FAM120C: variants seen among roughly 807,000 people sequenced by gnomAD.
The protein encoded by FAM120C is family with sequence similarity 120 member C, also known as constitutive coactivator of PPAR-gamma-like protein 2.
Under a neutral mutation model 71.2 loss-of-function variants are expected in FAM120C, and 14 were observed. That is an observed-to-expected ratio of 0.20 (90% CI 0.13 to 0.31). The LOEUF is 0.31. FAM120C is among the 10% of genes least tolerant of loss of function. The probability of loss-of-function intolerance (pLI) is 1.00; values close to 1 mark genes in which losing one functional copy is unlikely to be tolerated. For synonymous variants in FAM120C, 354 were observed against 353.2 expected, an observed-to-expected ratio of 1.00 and a Z score of -0.03; for missense variants, 500 against 879.0, an observed-to-expected ratio of 0.57 and a Z score of 5.45.
intron 10 of FAM120C, among the ~76,000 whole-genome samples, chrX:54,100,510 AAC>A (rs1732422129): frequency 9.1e-6 from 1 of 109,291 alleles, no homozygotes; most frequent in Non-Finnish European, 1.9e-5. Context: ...CAAATAAACA[AAC>A]AAACAAAAAA....
At chrX:54,076,329 TAA>T (rs1186702915) in intron 15 of FAM120C, among the ~76,000 whole-genome samples, 1 of 87,187 alleles carries the variant, frequency 1.1e-5, no homozygotes, top group Non-Finnish European at 2.3e-5. Flanking sequence ...ACTGTTTTTT[TAA>T]AAAAAAAAAA....
rs183885948 is a variant in FAM120C at position 54,069,700 on chromosome X, C to G, written c.*3333G>C. 58 of 111,780 alleles carry G rather than the reference C, an allele frequency of 5.2e-4. No individual in the cohort carries two copies. Among genetic ancestry groups the G allele is most frequent in the African/African-American group, 1.8e-3 (56 of 30,811 alleles). The allele number at this position is 111,780 out of a possible 1,213,427, so 9.2% of individuals were successfully genotyped here. A position where few individuals can be genotyped will look rare whatever the true frequency, so the allele number is the denominator to read the frequency against. On this transcript the variant is annotated 3_prime_UTR_variant, in exon 16 of 16. Transcript: ENST00000375180. ...CAGAAATCAAGATGGAGACAAAAAT[C>G]AAATGTCACTAGCCAAAGCGAGTAC...
intron 4 of FAM120C, among the ~76,000 whole-genome samples, chrX:54,148,204 GAT>G (rs2067167093): frequency 9.1e-6 from 1 of 110,416 alleles, no homozygotes; most frequent in Non-Finnish European, 1.9e-5. Context: ...TTGCAAACCA[GAT>G]ATCTGTCAGA....
chrX:54,182,472 ATTAT>A (rs1209870011), intron 1 of FAM120C, 24 bp downstream of exon 1: 10 of 1,182,513 alleles, frequency 8.5e-6, no homozygotes, highest in Non-Finnish European at 1.1e-5. Flanking sequence ...TGTGGGGCTT[ATTAT>A]TTAAGATCCG....
In FAM120C at chrX:54,099,121, C is replaced by T. The variant is rs782255399; in HGVS notation, c.2313-7695G>A. Among the ~76,000 whole-genome samples, 12 of 106,376 alleles carry T rather than the reference C, an allele frequency of 1.1e-4. No homozygotes were observed. The South Asian group carries it at 5.2e-3, about 46-fold the overall frequency. The allele number at this position is 106,376 out of a possible 115,157, so 92.4% of individuals were successfully genotyped here. ...CCTCTACCTCCTGGGTGTAAGCAAT[C>T]CTCCCCCGACAGCCTCTGGAGTAGT... On this transcript the variant is annotated intron_variant, in intron 10 of 15. Transcript: ENST00000375180.
At chrX:54,112,102 T>C (rs193275871) in intron 10 of FAM120C, among the ~76,000 whole-genome samples, 1 of 112,142 alleles carries the variant, frequency 8.9e-6, no homozygotes, top group East Asian at 2.8e-4. Context: ...TGGGCCCCTA[T>C]TTCTCACCAC....
In FAM120C at chrX:54,159,654, C is replaced by G. The variant is rs782518499; in HGVS notation, c.700-38G>C. 7.5e-6 allele frequency: 9 copies of G among 1,200,444 alleles called. No individual in the cohort carries two copies. The South Asian group carries it at 1.6e-4, about 22-fold the overall frequency. ...AAGAGAACGTGTCATGCCACAGAAC[C>G]TGATTTGTATTGTTAGAAGGTCAGG... On this transcript the variant is annotated intron_variant, in intron 1 of 15. Transcript: ENST00000375180.
chrX:54,156,225 C>G (rs1557133663), intron 3 of FAM120C, among the ~76,000 whole-genome samples: 1 of 108,119 alleles, frequency 9.2e-6, no homozygotes, highest in Non-Finnish European at 1.9e-5. Context: ...AAACAGTCAT[C>G]TAGGAGAATG....
At position 54,174,043 on chromosome X, in the gene FAM120C, T is replaced by G. The variant is rs1476146758; in HGVS notation, c.699+8457A>C. On this transcript the variant is annotated intron_variant, in intron 1 of 15. Transcript: ENST00000375180. Reference sequence around the variant, plus strand: ...CAATTCAGTTCCTTGCAGGCTGTAGTTGGACTGAGGGCCTCAGTTCCTCAC... The same window carrying G: ...CAATTCAGTTCCTTGCAGGCTGTAGGTGGACTGAGGGCCTCAGTTCCTCAC... The G allele has an allele frequency of 5.4e-5, 27 of 503,230 alleles. No individual in the cohort carries two copies. The Admixed American group carries it at 7.3e-4, about 14-fold the overall frequency. The allele number at this position is 503,230 out of a possible 1,213,427, so 41.5% of individuals were successfully genotyped here.
chrX:54,081,572 G>A, intron 13 of FAM120C, 112 bp from the exon 14 acceptor site: 1 of 811,544 alleles, frequency 1.2e-6, no homozygotes, highest in Non-Finnish European at 1.7e-6. Context: ...AGGAGTTCCA[G>A]AGCCAGCCTA....
At chrX:54,097,948 G>C (rs1037979713) in intron 10 of FAM120C, among the ~76,000 whole-genome samples, 21 of 109,759 alleles carry the variant, frequency 1.9e-4, no homozygotes, top group African/African-American at 6.3e-4. Context: ...GGATGGTCTC[G>C]ATCTCCTGGC....
At chrX:54,149,051 C>T (rs1474679891) in intron 4 of FAM120C, among the ~76,000 whole-genome samples, 1 of 111,988 alleles carries the variant, frequency 8.9e-6, no homozygotes, top group African/African-American at 3.2e-5. Context: ...TTTAAACATA[C>T]ACTTACCACA....
intron 13 of FAM120C, among the ~76,000 whole-genome samples, chrX:54,083,787 G>A (rs2066780293): frequency 9.0e-6 from 1 of 111,007 alleles, no homozygotes; most frequent in African/African-American, 3.3e-5. Flanking sequence ...GCTCGATCTT[G>A]GCTCACTGCA....
At chrX:54,162,238 T>C (rs2067239101) in intron 1 of FAM120C, among the ~76,000 whole-genome samples, 2 of 111,688 alleles carry the variant, frequency 1.8e-5, no homozygotes, top group Admixed American at 1.9e-4. Flanking sequence ...ACCTCTCTCC[T>C]AACAGGCTAA....
At chrX:54,179,101 G>T (rs1557137013) in intron 1 of FAM120C, among the ~76,000 whole-genome samples, 1 of 111,894 alleles carries the variant, frequency 8.9e-6, no homozygotes, top group African/African-American at 3.3e-5. Flanking sequence ...CAAGCAATTT[G>T]TGGGTTTACT....
chrX:54,117,014 G>A (rs2066971296), intron 9 of FAM120C, among the ~76,000 whole-genome samples: 2 of 111,359 alleles, frequency 1.8e-5, no homozygotes, highest in Admixed American at 2.0e-4. Context: ...AATCCTGAGA[G>A]GGAACTATTA....
At chrX:54,076,101 G>A (rs1456889584) in intron 15 of FAM120C, among the ~76,000 whole-genome samples, 1 of 109,650 alleles carries the variant, frequency 9.1e-6, no homozygotes, top group Non-Finnish European at 1.9e-5. Flanking sequence ...CACTTTGGGA[G>A]GCCGAGGCAG....
intron 4 of FAM120C, among the ~76,000 whole-genome samples, chrX:54,149,788 T>G (rs782740296): frequency 8.9e-5 from 10 of 112,002 alleles, no homozygotes; most frequent in Middle Eastern, 4.6e-3. Context: ...TTTGGGGTAG[T>G]ACAACTGTTC....
chrX:54,110,005 A>C (rs1326928245), intron 10 of FAM120C, among the ~76,000 whole-genome samples: 5 of 92,406 alleles, frequency 5.4e-5, no homozygotes, highest in African/African-American at 2.0e-4. Context: ...AAACGTAGAA[A>C]AATATCTTTT....
Sources: allele counts gnomAD v4.1 joint callset (sites outside exome capture counted in the v4.1 genomes callset), GRCh38; gene constraint gnomAD v4.1.1; transcripts MANE v1.5; gene names NCBI Gene and HGNC (gene_info 2026-07-23, HGNC 2026-07-21).